Variants in RAD51AP2 observed in about 807,000 individuals in gnomAD.
The protein encoded by RAD51AP2 is RAD51-associated protein 2.
RAD51AP2 carries 67 observed loss-of-function variants against 85.5 expected under a neutral mutation model. The ratio of observed to expected loss-of-function variants is 0.78; its 90% CI spans 0.64 to 0.96. The LOEUF (loss-of-function observed/expected upper bound fraction) is 0.96, where lower values mean the gene tolerates loss of function less well. Ranked by LOEUF, RAD51AP2 falls within the 40% of genes least tolerant of loss-of-function variation. The pLI is 0.00. For synonymous variants in RAD51AP2, 474 were observed against 446.5 expected (o/e 1.06, Z -0.78); for missense variants, 1,307 against 1,332.4 (o/e 0.98, Z 0.30).
chr2:17,518,485 G>T (rs1662775411), upstream of RAD51AP2: 2 of 1,538,510 alleles, frequency 1.3e-6, no homozygotes, highest in Non-Finnish European at 1.7e-6. Flanking sequence ...GTTCCGGGCC[G>T]CTCTGGTCAC....
chr2:17,522,852 A>G (rs946298950), upstream of RAD51AP2, among the ~76,000 whole-genome samples: 1 of 151,936 alleles, frequency 6.6e-6, no homozygotes, highest in African/African-American at 2.4e-5. Context: ...TTAGTTGGAC[A>G]TGGCAAATTT....
chr2:17,531,906 A>T, the RAD51AP2 span, among the ~76,000 whole-genome samples: 2 of 152,282 alleles, frequency 1.3e-5, no homozygotes, highest in East Asian at 3.9e-4. Flanking sequence ...TTCTTTCCCA[A>T]TTTATAAATA....
In RAD51AP2 at chr2:17,515,189, A is replaced by C. The variant is rs1337860761; in HGVS notation, c.3227T>G (p.Leu1076Arg). 1 of 1,577,390 alleles carries C rather than the reference A, an allele frequency of 6.3e-7. No individual in the cohort carries two copies. The highest frequency in any genetic ancestry group is 1.4e-5 in the African/African-American group (1 of 73,266). Residue 1076 changes from leucine (L) to arginine (R), a missense_variant, in exon 1 of 3, where the codon CTT (leucine) becomes CGT (arginine). Coordinates refer to ENST00000399080, the MANE Select transcript of RAD51AP2 (RefSeq NM_001099218.3). The stretch of plus-strand genomic sequence containing the variant: ...CATACCTTTCTCAGAAGTAGAGTAA[A>C]GTAATTCTTCCTCTGATCTACTTGG... ...CYPSRSEEEL[L>R]YSTSEKDCET...
chr2:17,537,148 C>A, the RAD51AP2 span, among the ~76,000 whole-genome samples: 46 of 152,198 alleles, frequency 3.0e-4, no homozygotes, highest in African/African-American at 1.1e-3. Context: ...GGCAAGACAC[C>A]TGTTTCTACA....
chr2:17,511,984 A>G (rs1038840639), intron 2 of RAD51AP2, among the ~76,000 whole-genome samples: 1 of 152,000 alleles, frequency 6.6e-6, no homozygotes, highest in Admixed American at 6.5e-5. Flanking sequence ...TAAATAAGAC[A>G]ACATTGTTGG....
At chr2:17,525,300 C>A in the RAD51AP2 span, among the ~76,000 whole-genome samples, 1 of 151,846 alleles carries the variant, frequency 6.6e-6, no homozygotes, top group Non-Finnish European at 1.5e-5. Flanking sequence ...ATCAGTGGAC[C>A]TTTTAAGAGG....
In RAD51AP2 at chr2:17,516,008, T is replaced by C. The variant is rs375062111; in HGVS notation, c.2408A>G (p.Asn803Ser). ...TATAGAAGTGGTATGGGTCTCTTCA[T>C]TATGTATTATGTTGTGGCTTGCTGG... ...AIPASHNIIH[N>S]EETHTTSITQ... The change falls in exon 1 of 3, where the codon AAT becomes AGT. Residue 803 changes from asparagine (N) to serine (S), a missense_variant. Asn to Ser is a conservative substitution (Grantham distance 46, BLOSUM62 1). Around this residue, in one of 3 missense-constraint regions of RAD51AP2, gnomAD observed 668 missense variants for 671.0 expected, o/e 1.00. Coordinates refer to ENST00000399080, the MANE Select transcript of RAD51AP2 (RefSeq NM_001099218.3). The C allele has an allele frequency of 5.0e-6, 8 of 1,613,814 alleles. No individual in the cohort carries two copies. The highest frequency in any genetic ancestry group is 5.1e-6 in the Non-Finnish European group (6 of 1,179,818).
intron 2 of RAD51AP2, 54 bp downstream of exon 2, chr2:17,513,958 C>A: frequency 1.1e-6 from 1 of 946,320 alleles, no homozygotes; most frequent in Non-Finnish European, 1.7e-6. Context: ...ACTAAAAATA[C>A]CATAATGCAA....
At chr2:17,533,553 T>C in the RAD51AP2 span, among the ~76,000 whole-genome samples, 1 of 152,244 alleles carries the variant, frequency 6.6e-6, no homozygotes, top group Admixed American at 6.5e-5. Context: ...AAAACTTTTC[T>C]TCCAATTCTC....
intron 1 of RAD51AP2, 98 bp downstream of exon 1, chr2:17,515,062 TATCTCTACC>T: frequency 1.1e-6 from 1 of 910,402 alleles, no homozygotes; most frequent in Non-Finnish European, 1.6e-6. Flanking sequence ...TCTTGCATTT[TATCTCTACC>T]TTCCTTCTTT....
rs772883638 is a variant in RAD51AP2, at chr2:17,517,141, T to C, written c.1275A>G (p.Lys425=). 6.2e-7 allele frequency: 1 copy of C among 1,608,316 alleles called. No homozygotes were observed. The highest frequency in any genetic ancestry group is 8.5e-7 in the Non-Finnish European group (1 of 1,178,158). The change falls in exon 1 of 3, where the codon AAA becomes AAG. Residue 425 remains lysine, a synonymous_variant. Transcript: ENST00000399080. ...NCKTKCENMK[K]TEEKWNWLLL... The stretch of plus-strand genomic sequence containing the variant: ...ATAGCCAATTCCATTTTTCTTCAGT[T>C]TTTTTCATATTTTCACATTTAGTCT...
At chr2:17,527,065 T>C in the RAD51AP2 span, among the ~76,000 whole-genome samples, 29 of 152,166 alleles carry the variant, frequency 1.9e-4, no homozygotes, top group African/African-American at 6.8e-4. Context: ...CAGAAATCTA[T>C]TGACAGCCAA....
the RAD51AP2 span, among the ~76,000 whole-genome samples, chr2:17,526,205 C>A: frequency 6.6e-6 from 1 of 151,568 alleles, no homozygotes; most frequent in Non-Finnish European, 1.5e-5. Flanking sequence ...AGAGGATTTT[C>A]TTTTTTTTAT....
chr2:17,535,346 T>A, the RAD51AP2 span, among the ~76,000 whole-genome samples: 1 of 152,198 alleles, frequency 6.6e-6, no homozygotes, highest in South Asian at 2.1e-4. Context: ...GAGATGGGGC[T>A]CTCAAGAGCC....
chr2:17,515,051 G>A lies in RAD51AP2; in HGVS notation c.3247+118C>T, dbSNP rs1477814648. On this transcript the variant is annotated intron_variant, in intron 1 of 2. Coordinates refer to ENST00000399080, the MANE Select transcript of RAD51AP2 (RefSeq NM_001099218.3). ...AAAATAGTGTGCATCAATAAACATT[G>A]TCTTGCATTTTATCTCTACCTTCCT... is the stretch of plus-strand genomic sequence containing the variant. The A allele has an allele frequency of 2.2e-5, 16 of 734,346 alleles. 1 individual carries two copies. The highest frequency in any genetic ancestry group is 1.4e-4 in the South Asian group (6 of 43,128). The allele number at this position is 734,346 out of a possible 1,614,324, so 45.5% of individuals were successfully genotyped here.
chr2:17,536,388 T>C, the RAD51AP2 span, among the ~76,000 whole-genome samples: 2 of 152,218 alleles, frequency 1.3e-5, no homozygotes, highest in African/African-American at 4.8e-5. Context: ...TGCAATTCTG[T>C]TATCATCATT....
chr2:17,530,760 C>T, the RAD51AP2 span, among the ~76,000 whole-genome samples: 39 of 151,926 alleles, frequency 2.6e-4, no homozygotes, highest in African/African-American at 7.2e-4. Flanking sequence ...TCTTCAATAA[C>T]GGGAGAAAGA....
chr2:17,515,816 A>G lies in RAD51AP2; in HGVS notation c.2600T>C (p.Met867Thr), dbSNP rs746294100. Residue 867 changes from methionine (M) to threonine (T), a missense_variant, in exon 1 of 3, where the codon ATG becomes ACG. Coordinates refer to ENST00000399080, the MANE Select transcript of RAD51AP2 (RefSeq NM_001099218.3). ...EKEEKDSFFP[M>T]DDMFSVQSVS... ...TGACTGTACAGAAAACATGTCATCC[A>G]TTGGAAAAAAACTATCTTTCTCTTC... 2 of 1,606,986 alleles carry G rather than the reference A, an allele frequency of 1.2e-6. No homozygotes were observed. The highest frequency in any genetic ancestry group is 2.2e-5 in the South Asian group (2 of 89,988).
At chr2:17,514,130 C>G (rs751618248) in intron 1 of RAD51AP2, 38 bp from the exon 2 acceptor site, 1 of 1,136,832 alleles carries the variant, frequency 8.8e-7, no homozygotes, top group Non-Finnish European at 1.3e-6. Flanking sequence ...CAAAAAGTAA[C>G]TTTTATATAA....
Sources: allele counts gnomAD v4.1 joint callset (sites outside exome capture counted in the v4.1 genomes callset), GRCh38; gene constraint gnomAD v4.1.1; regional missense constraint gnomAD v4.1.1; transcripts MANE v1.5; gene names NCBI Gene and HGNC (gene_info 2026-07-23, HGNC 2026-07-21).